Variants in LOX observed in about 807,000 individuals in gnomAD.
LOX encodes protein-lysine 6-oxidase.
Under a neutral mutation model 50.5 loss-of-function variants are expected in LOX, and 12 were observed. That is an observed-to-expected ratio of 0.24 (90% CI 0.15 to 0.38). The LOEUF is 0.38. Among genes scored for constraint, LOX ranks in the 10% least tolerant of loss-of-function variants. The probability of loss-of-function intolerance (pLI) is 1.00; values close to 1 mark genes in which losing one functional copy is unlikely to be tolerated. For missense variants in LOX, 504 were observed against 563.8 expected, an observed-to-expected ratio of 0.89 and a Z score of 1.07; for synonymous variants, 254 against 230.6, an observed-to-expected ratio of 1.10 and a Z score of -0.92.
Position 122,064,981 on chromosome 5 carries a change from A to G in LOX, c.*1762T>C, listed in dbSNP as rs957198259. The G allele has an allele frequency of 6.6e-6, 1 of 152,112 alleles. No homozygotes were observed. Among genetic ancestry groups the G allele is most frequent in the Non-Finnish European group, 1.5e-5 (1 of 67,984 alleles). The allele number at this position is 152,112 out of a possible 1,614,324, so 9.4% of individuals were successfully genotyped here. A position where few individuals can be genotyped will look rare whatever the true frequency, so the allele number is the denominator to read the frequency against. On this transcript the variant is annotated 3_prime_UTR_variant, in exon 7 of 7. Transcript: ENST00000231004. ...TTTTTAAGAAAGCAAGTATATTAAA[A>G]TATCTCTGTTAGAAAAGATTACAAT... is the stretch of plus-strand genomic sequence containing the variant.
At position 122,066,566 on chromosome 5, in the gene LOX, C is replaced by T. The variant is rs1246682875; in HGVS notation, c.*177G>A. 3.9e-6 allele frequency: 2 copies of T among 510,136 alleles called. No individual in the cohort carries two copies. Among genetic ancestry groups the T allele is most frequent in the African/African-American group, 1.9e-5 (1 of 52,112 alleles). The allele number at this position is 510,136 out of a possible 1,614,324, so 31.6% of individuals were successfully genotyped here. ...TTAAAAATTTCCCAAGTAATGATGA[C>T]TTAAGCGTTCAAAATCCAGTTATGT... On this transcript the variant is annotated 3_prime_UTR_variant, in exon 7 of 7. Transcript: ENST00000231004.
Position 122,066,749 on chromosome 5 carries a change from C to T in LOX, c.1248G>A (p.Pro416=). ...GGGAGTTTTGCTTTGCCTTCTAATA[C>T]CTAGATTAAGAAGACAAAATAAGAC... The part of the protein sequence containing the change: ...HAYASGCTIS[P]Y The change falls in exon 7 of 7, where the codon CCG becomes CCA. Residue 416 remains proline, a splice_region_variant and synonymous_variant. Transcript: ENST00000231004. 6.3e-7 allele frequency: 1 copy of T among 1,593,214 alleles called. No homozygotes were observed. The highest frequency in any genetic ancestry group is 8.6e-7 in the Non-Finnish European group (1 of 1,161,952).
At position 122,066,862 on chromosome 5, in the gene LOX, C is replaced by T. The variant is rs1447665291; in HGVS notation, c.1248-113G>A. 9 of 683,026 alleles carry T rather than the reference C, an allele frequency of 1.3e-5. No individual in the cohort carries two copies. In the African/African-American group the frequency reaches 1.6e-4, roughly 12 times the overall value. The allele number at this position is 683,026 out of a possible 1,614,324, so 42.3% of individuals were successfully genotyped here. A position where few individuals can be genotyped will look rare whatever the true frequency, so the allele number is the denominator to read the frequency against. On this transcript the variant is annotated intron_variant, in intron 6 of 6. Coordinates refer to ENST00000231004, the MANE Select transcript of LOX (RefSeq NM_002317.7). Reference sequence around the variant, plus strand: ...AAAACTTTATGCAACAGTTTCCCTCCACCTAAGCAGCAATCATGTTGTGAA... The same window carrying T: ...AAAACTTTATGCAACAGTTTCCCTCTACCTAAGCAGCAATCATGTTGTGAA...
At chr5:122,072,281 T>C (rs1234236164) in intron 4 of LOX, among the ~76,000 whole-genome samples, 1 of 152,198 alleles carries the variant, frequency 6.6e-6, no homozygotes, top group East Asian at 1.9e-4. Context: ...TTTGATTATT[T>C]GCACAAGCAA....
At position 122,077,005 on chromosome 5, in the gene LOX, A is replaced by T; in HGVS notation, c.632-4T>A. ...TCGGCCACCAGGTCTGGGAGACCTA[A>T]ACGTCAGCAGGCGACGGGCGCAGCA... is the stretch of plus-strand genomic sequence containing the variant. On this transcript the variant is annotated splice_polypyrimidine_tract_variant and splice_region_variant and intron_variant, in intron 1 of 6. Coordinates refer to ENST00000231004, the MANE Select transcript of LOX (RefSeq NM_002317.7). This position sits in a 1 kb window ranked among gnomAD's most constrained non-coding sequence, Gnocchi z 4.9. The T allele has an allele frequency of 6.2e-7, 1 of 1,612,632 alleles. No individual in the cohort carries two copies. The highest frequency in any genetic ancestry group is 8.5e-7 in the Non-Finnish European group (1 of 1,179,828).
rs1316354246 is a variant in LOX, at chr5:122,077,468, T to C, written c.518A>G (p.Asn173Ser). 1 of 1,613,760 alleles carries C rather than the reference T, an allele frequency of 6.2e-7. No homozygotes were observed. The highest frequency in any genetic ancestry group is 1.3e-5 in the African/African-American group (1 of 74,872). ...VDGMVGDDPY[N>S]PYKYSDDNPY... ...GTTGTCGTCAGAGTACTTGTAGGGG[T>C]TGTAAGGGTCGTCGCCCACCATGCC... The change falls in exon 1 of 7, where the codon AAC becomes AGC. Residue 173 changes from asparagine to serine, a missense_variant. By Grantham distance (46) the Asn-to-Ser change is conservative. This residue lies in a region of LOX where 398 missense variants were observed against 365.8 expected (regional missense o/e 1.09). Coordinates refer to ENST00000231004, the MANE Select transcript of LOX (RefSeq NM_002317.7). This position sits in a 1 kb window ranked among gnomAD's most constrained non-coding sequence, Gnocchi z 4.9.
chr5:122,077,791 C>T lies in LOX; in HGVS notation c.195G>A (p.Gln65=), dbSNP rs1427834641. 6.5e-7 allele frequency: 1 copy of T among 1,549,908 alleles called. No individual in the cohort carries two copies. Among genetic ancestry groups the T allele is most frequent in the Non-Finnish European group, 8.7e-7 (1 of 1,152,364 alleles). Residue 65 remains glutamine, a synonymous_variant, in exon 1 of 7, where the codon CAG becomes CAA. Transcript: ENST00000231004. The surrounding 1 kb of genome is among the most constrained non-coding windows in gnomAD (Gnocchi z 4.9). ...FSLLSLGSQY[Q]PQRRRDPGAA... ...CGCCCGGGTCCCGGCGGCGCTGAGG[C>T]TGGTACTGTGAGCCCAGGCTCAGCA...
rs911222061 is a variant in LOX, at chr5:122,063,615, A to T, written c.*3128T>A. On this transcript the variant is annotated 3_prime_UTR_variant, in exon 7 of 7. Transcript: ENST00000231004. Reference sequence around the variant, plus strand: ...CTTAACTCACTGATTGAATATGTTGATTGTGAATATGAGTTCAAAAAAATA... The same window carrying T: ...CTTAACTCACTGATTGAATATGTTGTTTGTGAATATGAGTTCAAAAAAATA... The T allele has an allele frequency of 6.6e-6, 1 of 151,906 alleles. No homozygotes were observed. The highest frequency in any genetic ancestry group is 2.4e-5 in the African/African-American group (1 of 41,412). The allele number at this position is 151,906 out of a possible 1,614,324, so 9.4% of individuals were successfully genotyped here.
Position 122,070,076 on chromosome 5 carries a change from A to G in LOX, c.1224T>C (p.Tyr408=), listed in dbSNP as rs1197967023. 6.2e-7 allele frequency: 1 copy of G among 1,611,998 alleles called. No individual in the cohort carries two copies. Among genetic ancestry groups the G allele is most frequent in the Admixed American group, 1.7e-5 (1 of 59,916 alleles). The change falls in exon 6 of 7, where the codon TAT becomes TAC. Residue 408 remains tyrosine (Y), a synonymous_variant. Transcript: ENST00000231004. ...CDIRYTGHHA[Y]ASGCTISPY The stretch of plus-strand genomic sequence containing the variant: ...ACGGTGAAATTGTGCAGCCTGAGGC[A>G]TACGCATGATGTCCTGTGTAGCGAA...
Position 122,072,655 on chromosome 5 carries a change from G to A in LOX, c.1035+1358C>T, listed in dbSNP as rs147236784. ...CTTTAAATGAAGTCCATGTGAAAGA[G>A]ACATTGATCTAATGAAAAAAACAAA... is the stretch of plus-strand genomic sequence containing the variant. On this transcript the variant is annotated intron_variant, in intron 4 of 6. Coordinates refer to ENST00000231004, the MANE Select transcript of LOX (RefSeq NM_002317.7). Among the ~76,000 whole-genome samples, 41 of 152,270 alleles carry A rather than the reference G, an allele frequency of 2.7e-4. No homozygotes were observed. The East Asian group carries it at 7.3e-3, about 27-fold the overall frequency.
chr5:122,070,651 AT>A, intron 4 of LOX, 62 bp from the exon 5 acceptor site: 5 of 837,870 alleles, frequency 6.0e-6, no homozygotes, highest in African/African-American at 1.7e-5. Flanking sequence ...GATAAATAAT[AT>A]GCTATTATTT....
chr5:122,073,609 T>C (rs1754519995), intron 4 of LOX, among the ~76,000 whole-genome samples: 1 of 152,218 alleles, frequency 6.6e-6, no homozygotes, highest in African/African-American at 2.4e-5. Context: ...TGGGTGCATA[T>C]GTTGTCAACC....
chr5:122,077,225 C>G lies in LOX; in HGVS notation c.631+130G>C. The stretch of plus-strand genomic sequence containing the variant: ...TTTGCACTGGATTCCAGGGCTGCCA[C>G]TGCAGGCGCGTGGGGGAGGGATCGG... On this transcript the variant is annotated intron_variant, in intron 1 of 6. Coordinates refer to ENST00000231004, the MANE Select transcript of LOX (RefSeq NM_002317.7). The surrounding 1 kb of genome is among the most constrained non-coding windows in gnomAD (Gnocchi z 4.9). 2 of 1,500,122 alleles carry G rather than the reference C, an allele frequency of 1.3e-6. No individual in the cohort carries two copies. Among genetic ancestry groups the G allele is most frequent in the Non-Finnish European group, 1.8e-6 (2 of 1,126,688 alleles). The allele number at this position is 1,500,122 out of a possible 1,614,324, so 92.9% of individuals were successfully genotyped here.
At chr5:122,076,047 C>T (rs1580566058) in intron 2 of LOX, 1 of 152,218 alleles carries the variant, frequency 6.6e-6, no homozygotes, top group Non-Finnish European at 1.5e-5. Context: ...TTTGTAACTT[C>T]ACTATCCCAA....
intron 4 of LOX, among the ~76,000 whole-genome samples, chr5:122,071,445 G>A (rs954516548): frequency 6.6e-6 from 1 of 152,090 alleles, no homozygotes; most frequent in African/African-American, 2.4e-5. Context: ...TTTTGTTGAA[G>A]GGGTAAATGC....
At chr5:122,073,926 C>T (rs2152589453) in intron 4 of LOX, 87 bp downstream of exon 4, 1 of 1,256,342 alleles carries the variant, frequency 8.0e-7, no homozygotes, top group Admixed American at 1.9e-5. Flanking sequence ...GTGTGCTCTT[C>T]ATGAAATGCT....
chr5:122,068,736 T>C (rs1383728734), intron 6 of LOX, among the ~76,000 whole-genome samples: 2 of 152,052 alleles, frequency 1.3e-5, no homozygotes, highest in Admixed American at 1.3e-4. Context: ...GTATAGAGAT[T>C]AGTAGTCCTA....
In LOX at chr5:122,077,273, C is replaced by G; in HGVS notation, c.631+82G>C. 1 of 1,582,086 alleles carries G rather than the reference C, an allele frequency of 6.3e-7. No individual in the cohort carries two copies. Among genetic ancestry groups the G allele is most frequent in the East Asian group, 2.3e-5 (1 of 43,902 alleles). On this transcript the variant is annotated intron_variant, in intron 1 of 6. Transcript: ENST00000231004. The surrounding 1 kb of genome is among the most constrained non-coding windows in gnomAD (Gnocchi z 4.9). ...CGGATCTGCGAGGACCGGGGCCCGC[C>G]GCGCCCAGGCAGCCACGTCGAGAAG...
rs569957338 is a variant in LOX at position 122,076,813 on chromosome 5, C to T, written c.740+80G>A. 78 of 1,228,992 alleles carry T rather than the reference C, an allele frequency of 6.3e-5. No individual in the cohort carries two copies. In the Middle Eastern group the frequency reaches 7.6e-4, roughly 12 times the overall value. The allele number at this position is 1,228,992 out of a possible 1,614,324, so 76.1% of individuals were successfully genotyped here. The stretch of plus-strand genomic sequence containing the variant: ...CTTCCTAACACTTGTCTGCGCGAAG[C>T]AGTAGCAGTCAGAACCAGGCACCAG... On this transcript the variant is annotated intron_variant, in intron 2 of 6. Coordinates refer to ENST00000231004, the MANE Select transcript of LOX (RefSeq NM_002317.7).
Sources: allele counts gnomAD v4.1 joint callset (sites outside exome capture counted in the v4.1 genomes callset), GRCh38; gene constraint gnomAD v4.1.1; regional missense constraint gnomAD v4.1.1; non-coding constraint Gnocchi (gnomAD v3.1); transcripts MANE v1.5; gene names NCBI Gene and HGNC (gene_info 2026-07-23, HGNC 2026-07-21).